The following AKAP19 variants were observed in gnomAD, a reference collection of about 807,000 sequenced individuals.
The protein encoded by AKAP19 is A-kinase anchoring protein 19.
the AKAP19 span, among the ~76,000 whole-genome samples, chr2:190,095,915 G>A: frequency 6.6e-6 from 1 of 152,102 alleles, no homozygotes; most frequent in Admixed American, 6.5e-5. Flanking sequence ...TGTAAAGAAA[G>A]GGGGAGCAAG....
the AKAP19 span, among the ~76,000 whole-genome samples, chr2:190,084,737 T>C: frequency 6.6e-6 from 1 of 152,228 alleles, no homozygotes; most frequent in Non-Finnish European, 1.5e-5. Flanking sequence ...GGGAGTACGA[T>C]AACCTAACTT....
At chr2:189,958,179 A>G in the AKAP19 span, among the ~76,000 whole-genome samples, 4 of 152,174 alleles carry the variant, frequency 2.6e-5, no homozygotes, top group Non-Finnish European at 5.9e-5. Flanking sequence ...ATTCTTACCT[A>G]TAAGTTAGTA....
chr2:189,959,792 A>T, the AKAP19 span, among the ~76,000 whole-genome samples: 1 of 152,312 alleles, frequency 6.6e-6, no homozygotes, highest in South Asian at 2.1e-4. Flanking sequence ...TAACTCAACA[A>T]AATATTTCAT....
the AKAP19 span, among the ~76,000 whole-genome samples, chr2:190,003,627 G>T: frequency 1.3e-5 from 2 of 152,066 alleles, no homozygotes; most frequent in African/African-American, 2.4e-5. Context: ...ACTTTGGGAG[G>T]CCACAAGCGG....
the AKAP19 span, among the ~76,000 whole-genome samples, chr2:190,166,128 A>G: frequency 1.3e-5 from 2 of 151,948 alleles, no homozygotes; most frequent in Non-Finnish European, 2.9e-5. Flanking sequence ...AATTAATATT[A>G]TAAGTAAAAA....
chr2:190,171,490 T>G, the AKAP19 span, among the ~76,000 whole-genome samples: 1 of 152,180 alleles, frequency 6.6e-6, no homozygotes, highest in Non-Finnish European at 1.5e-5. Context: ...TAAAGTTTTT[T>G]TTGTAAGTTC....
At chr2:190,161,635 C>G in the AKAP19 span, among the ~76,000 whole-genome samples, 1 of 152,120 alleles carries the variant, frequency 6.6e-6, no homozygotes, top group African/African-American at 2.4e-5. Context: ...AGACAAAATG[C>G]AGTAGCTCAG....
chr2:189,933,278 T>C, the AKAP19 span, among the ~76,000 whole-genome samples: 1 of 152,190 alleles, frequency 6.6e-6, no homozygotes, highest in South Asian at 2.1e-4. Flanking sequence ...GGGAGGGAGA[T>C]GTGAGAGTGG....
At chr2:189,980,210 C>G in the AKAP19 span, among the ~76,000 whole-genome samples, 1 of 152,202 alleles carries the variant, frequency 6.6e-6, no homozygotes, top group Non-Finnish European at 1.5e-5. Context: ...TACATATACA[C>G]CATGGAATAC....
chr2:190,135,207 C>T, the AKAP19 span, among the ~76,000 whole-genome samples: 4 of 152,288 alleles, frequency 2.6e-5, no homozygotes, highest in East Asian at 5.8e-4. Context: ...TTTTCTCCCT[C>T]CTACCTACTA....
At chr2:190,148,026 A>G in the AKAP19 span, among the ~76,000 whole-genome samples, 1 of 152,220 alleles carries the variant, frequency 6.6e-6, no homozygotes, top group South Asian at 2.1e-4. Flanking sequence ...TGCTCTGGCT[A>G]GGACTTCCAG....
the AKAP19 span, among the ~76,000 whole-genome samples, chr2:190,090,192 G>A: frequency 6.6e-6 from 1 of 152,260 alleles, no homozygotes; most frequent in Non-Finnish European, 1.5e-5. Flanking sequence ...TTGTGTTAAA[G>A]TCCTCATCTA....
At chr2:190,047,847 G>A in the AKAP19 span, among the ~76,000 whole-genome samples, 1 of 152,190 alleles carries the variant, frequency 6.6e-6, no homozygotes. Context: ...TTGGGGGAAA[G>A]GATGTGTAAA....
At chr2:190,152,684 G>C in the AKAP19 span, among the ~76,000 whole-genome samples, 574 of 152,130 alleles carry the variant, frequency 3.8e-3, 3 homozygotes, top group African/African-American at 0.013. Context: ...TGTATTTTTT[G>C]TTATTATTGT....
chr2:189,904,653 G>A, the AKAP19 span, among the ~76,000 whole-genome samples: 1 of 151,900 alleles, frequency 6.6e-6, no homozygotes, highest in South Asian at 2.1e-4. Flanking sequence ...AAATTTTTAT[G>A]CAGTTATTGA....
chr2:190,198,528 G>T, the AKAP19 span, among the ~76,000 whole-genome samples: 3,838 of 151,234 alleles, frequency 0.025, 178 homozygotes, highest in African/African-American at 0.089. Context: ...GCTACTCAGT[G>T]GGCTGAGGTG....
At chr2:190,088,890 T>A in the AKAP19 span, among the ~76,000 whole-genome samples, 7 of 152,346 alleles carry the variant, frequency 4.6e-5, no homozygotes, top group African/African-American at 1.4e-4. Flanking sequence ...GCCAAAGGCC[T>A]GTTTCATCAA....
the AKAP19 span, chr2:190,190,035 G>A: frequency 1.3e-5 from 2 of 152,154 alleles, no homozygotes; most frequent in Non-Finnish European, 2.9e-5. Flanking sequence ...CTGGATTTAG[G>A]TGCCCCAGAA....
chr2:189,975,088 C>G, the AKAP19 span, among the ~76,000 whole-genome samples: 5 of 152,172 alleles, frequency 3.3e-5, no homozygotes, highest in Admixed American at 6.5e-5. Context: ...ATGGTCTTTA[C>G]AATTTGGCAT....
Sources: allele counts gnomAD v4.1 joint callset (sites outside exome capture counted in the v4.1 genomes callset), GRCh38; gene constraint gnomAD v4.1.1; transcripts MANE v1.5; gene names NCBI Gene and HGNC (gene_info 2026-07-23, HGNC 2026-07-21).